Variants in TASOR observed in about 807,000 individuals in gnomAD.
TASOR encodes protein TASOR.
In TASOR, 53 loss-of-function variants were observed where a neutral mutation model predicts 178.6. The observed-to-expected ratio is 0.30, with a 90% confidence interval of 0.24 to 0.37. The LOEUF (loss-of-function observed/expected upper bound fraction) is 0.37. TASOR is among the 10% of genes least tolerant of loss of function. TASOR has a pLI of 1.00. For synonymous variants in TASOR, 713 were observed against 696.2 expected (o/e 1.02, Z -0.38); for missense variants, 1,815 against 1,971.4 (o/e 0.92, Z 1.50).
intron 7 of TASOR, chr3:56,663,977 TATAGAG>T (rs1483258690): frequency 1.9e-6 from 1 of 529,586 alleles, no homozygotes; most frequent in East Asian, 1.5e-4. Flanking sequence ...GTAATAGGAT[TATAGAG>T]ATAAACAGAA....
At chr3:56,674,998 T>C (rs576559961) in intron 1 of TASOR, among the ~76,000 whole-genome samples, 1 of 152,188 alleles carries the variant, frequency 6.6e-6, no homozygotes, top group South Asian at 2.1e-4. Flanking sequence ...TTTGTGTGTG[T>C]GTGTTTTTAG....
chr3:56,680,872 T>A (rs1359234943), intron 1 of TASOR, among the ~76,000 whole-genome samples: 1 of 152,114 alleles, frequency 6.6e-6, no homozygotes, highest in Non-Finnish European at 1.5e-5. Flanking sequence ...GGTACAAGAC[T>A]ATGGGGGACA....
chr3:56,656,841 T>A (rs1223164192), intron 11 of TASOR, among the ~76,000 whole-genome samples: 1 of 148,708 alleles, frequency 6.7e-6, no homozygotes, highest in Admixed American at 6.7e-5. Flanking sequence ...GGAAGTCCCA[T>A]CTCTACTAAA....
intron 11 of TASOR, among the ~76,000 whole-genome samples, chr3:56,654,790 T>C (rs1225866647): frequency 2.6e-5 from 4 of 152,198 alleles, no homozygotes; most frequent in East Asian, 3.8e-4. Context: ...AACTGAAACA[T>C]TGGCTCTTCC....
intron 11 of TASOR, among the ~76,000 whole-genome samples, chr3:56,658,696 C>T (rs1421327727): frequency 1.3e-5 from 2 of 152,172 alleles, no homozygotes; most frequent in African/African-American, 2.4e-5. Flanking sequence ...CACTTGAGGT[C>T]AGGAGTTTGA....
intron 11 of TASOR, among the ~76,000 whole-genome samples, chr3:56,658,419 TCA>T (rs1578258341): frequency 6.6e-6 from 1 of 152,212 alleles, no homozygotes; most frequent in Non-Finnish European, 1.5e-5. Flanking sequence ...TTCTCAATAC[TCA>T]CTCTCTGAAA....
intron 18 of TASOR, among the ~76,000 whole-genome samples, chr3:56,632,162 CCCT>C (rs1042266348): frequency 7.2e-5 from 11 of 151,870 alleles, no homozygotes; most frequent in African/African-American, 2.2e-4. Flanking sequence ...CTGTTTTTTT[CCCT>C]CCTCTTCATT....
chr3:56,644,359 G>C lies in TASOR; in HGVS notation c.2215+2163C>G, dbSNP rs146508210. On this transcript the variant is annotated intron_variant, in intron 14 of 23. Transcript: ENST00000683822. ...CAGTATGTGTCAGTAAGTGCTAACA[G>C]GTTCAGCACAGATTGCAAATCCAGC... Among the ~76,000 whole-genome samples, 170 of 152,220 alleles carry C rather than the reference G, an allele frequency of 1.1e-3. 1 individual carries two copies. Among genetic ancestry groups the C allele is most frequent in the African/African-American group, 4.0e-3 (166 of 41,530 alleles).
chr3:56,658,136 C>T (rs1350182422), intron 11 of TASOR, among the ~76,000 whole-genome samples: 1 of 152,280 alleles, frequency 6.6e-6, no homozygotes, highest in South Asian at 2.1e-4. Context: ...TAGCTATAGA[C>T]GGAATAATCC....
intron 14 of TASOR, among the ~76,000 whole-genome samples, chr3:56,644,808 CAAAGA>C (rs2077201884): frequency 6.6e-6 from 1 of 152,102 alleles, no homozygotes; most frequent in Admixed American, 6.5e-5. Flanking sequence ...ATAGTTACTG[CAAAGA>C]AAAGTAATGT....
intron 11 of TASOR, among the ~76,000 whole-genome samples, chr3:56,650,361 T>C (rs936021365): frequency 6.6e-6 from 1 of 152,232 alleles, no homozygotes; most frequent in Non-Finnish European, 1.5e-5. Context: ...TCAGGTAGCT[T>C]AGTTGACCAC....
intron 11 of TASOR, among the ~76,000 whole-genome samples, chr3:56,655,789 C>A (rs2077456114): frequency 6.6e-6 from 1 of 151,902 alleles, no homozygotes; most frequent in South Asian, 2.1e-4. Flanking sequence ...GAAATCCTGT[C>A]CTCCCACCAA....
rs773351165 is a variant in TASOR, at chr3:56,624,844, G to A, written c.4302C>T (p.His1434=). 4 of 1,613,946 alleles carry A rather than the reference G, an allele frequency of 2.5e-6. No homozygotes were observed. Among genetic ancestry groups the A allele is most frequent in the African/African-American group, 2.7e-5 (2 of 74,910 alleles). The change falls in exon 22 of 24, where the codon CAC becomes CAT. Residue 1434 remains histidine, a synonymous_variant. Coordinates refer to ENST00000683822, the MANE Select transcript of TASOR (RefSeq NM_001365635.2). ...RLQAQNIQQR[H]IVFLTEKNIK... Reference sequence around the variant, plus strand: ...TCTCTTTACCTGTTAAAAAGACTATGTGTCGTTGCTGTATGTTCTGAGCCT... The same window carrying A: ...TCTCTTTACCTGTTAAAAAGACTATATGTCGTTGCTGTATGTTCTGAGCCT...
rs201501425 is a variant in TASOR, at chr3:56,627,057, C to T, written c.4119G>A (p.Lys1373=). The change falls in exon 21 of 24, where the codon AAG becomes AAA. Residue 1373 remains lysine (K), a synonymous_variant. Transcript: ENST00000683822. ...CTTACCTGCCTAGTTCCTTTAGTTTCTTCTGAAATTTACAGTGGACTTTCC... is the reference window on the plus strand; with the variant it reads ...CTTACCTGCCTAGTTCCTTTAGTTTTTTCTGAAATTTACAGTGGACTTTCC... The part of the protein sequence containing the change: ...WQWKVHCKFQ[K]KLKELGRLNA... The T allele has an allele frequency of 4.4e-5, 71 of 1,609,436 alleles. 1 individual carries two copies. In the Middle Eastern group the frequency reaches 8.3e-4, roughly 19 times the overall value.
chr3:56,649,135 C>T, intron 11 of TASOR, 78 bp from the exon 12 acceptor site: 2 of 1,061,814 alleles, frequency 1.9e-6, no homozygotes, highest in East Asian at 2.6e-5. Context: ...GCATTTTCTA[C>T]TAATTGTAAA....
chr3:56,646,747 T>C lies in TASOR; in HGVS notation c.1990A>G (p.Ile664Val), dbSNP rs377309599. Reference protein sequence around the residue: ...KRNNSRGEAIISGKQRSSHSL... With the variant: ...KRNNSRGEAIVSGKQRSSHSL... ...TGAGATGATCTTTGCTTTCCAGATA[T>C]AATGGCTTCACCTCTTGAGTTATTT... Residue 664 changes from isoleucine to valine, a missense_variant, in exon 14 of 24, where the codon ATA (isoleucine) becomes GTA (valine). Transcript: ENST00000683822. 2 of 1,613,990 alleles carry C rather than the reference T, an allele frequency of 1.2e-6. No individual in the cohort carries two copies. The highest frequency in any genetic ancestry group is 8.5e-7 in the Non-Finnish European group (1 of 1,179,930).
intron 16 of TASOR, 37 bp downstream of exon 16, chr3:56,639,949 A>G (rs1308486478): frequency 6.4e-7 from 1 of 1,572,024 alleles, no homozygotes; most frequent in South Asian, 1.2e-5. Flanking sequence ...CTCTAAGTAA[A>G]ATGAAGCAAA....
At chr3:56,628,446 A>G in intron 19 of TASOR, 46 bp downstream of exon 19, 1 of 1,530,622 alleles carries the variant, frequency 6.5e-7, no homozygotes, top group Non-Finnish European at 8.9e-7. Context: ...TTTTAAAATA[A>G]GGGAGTTTTT....
intron 11 of TASOR, among the ~76,000 whole-genome samples, chr3:56,658,957 TGTGTGTG>T: frequency 1.1e-5 from 1 of 89,750 alleles, no homozygotes; most frequent in Non-Finnish European, 2.1e-5. Flanking sequence ...TGTGTGTGTG[TGTGTGTG>T]TGTGTGTGTG....
Sources: allele counts gnomAD v4.1 joint callset (sites outside exome capture counted in the v4.1 genomes callset), GRCh38; gene constraint gnomAD v4.1.1; transcripts MANE v1.5; gene names NCBI Gene and HGNC (gene_info 2026-07-23, HGNC 2026-07-21).